ANO2: variants seen among roughly 807,000 people sequenced by gnomAD.
ANO2 encodes anoctamin-2.
ANO2 carries 101 observed loss-of-function variants against 124.2 expected under a neutral mutation model. The ratio of observed to expected loss-of-function variants is 0.81; its 90% confidence interval spans 0.69 to 0.96. The LOEUF is 0.96. ANO2 is among the 40% of genes least tolerant of loss of function. The pLI is 0.00. For synonymous variants in ANO2, 486 were observed against 482.5 expected, an observed-to-expected ratio of 1.01 and a Z score of -0.09; for missense variants, 1,293 against 1,274.5, an observed-to-expected ratio of 1.01 and a Z score of -0.22.
intron 20 of ANO2, among the ~76,000 whole-genome samples, chr12:5,589,297 T>C (rs572108962): frequency 3.3e-5 from 5 of 151,654 alleles, no homozygotes; most frequent in African/African-American, 1.2e-4. Flanking sequence ...CTAATAGGCC[T>C]GGGATGGGGG....
intron 4 of ANO2, among the ~76,000 whole-genome samples, chr12:5,851,511 C>T (rs1311537903): frequency 6.6e-6 from 1 of 151,910 alleles, no homozygotes. Flanking sequence ...ATGGAGAAAC[C>T]CTGTCTCTAC....
chr12:5,819,060 A>C (rs919286385), intron 7 of ANO2, among the ~76,000 whole-genome samples: 2 of 152,222 alleles, frequency 1.3e-5, no homozygotes, highest in African/African-American at 2.4e-5. Context: ...CCTGCAGTGA[A>C]AGGTGCATTC....
At position 5,866,210 on chromosome 12, in the gene ANO2, G is replaced by GTCAGAC; in HGVS notation, c.535-12075_535-12070dup. Reference sequence around the variant, plus strand: ...CTAGGGAAAGCAGCTTTCTCCTTCCGTCAGACTCTGGGGGATAACAGTGGC... The same window carrying GTCAGAC: ...CTAGGGAAAGCAGCTTTCTCCTTCCGTCAGACTCAGACTCTGGGGGATAACAGTGGC... On this transcript the variant is annotated intron_variant, in intron 3 of 24. Coordinates refer to ENST00000682330, the MANE Select transcript of ANO2 (RefSeq NM_001364791.2). 2.6e-5 allele frequency among the ~76,000 whole-genome samples: 4 copies of GTCAGAC among 152,298 alleles called. No homozygotes were observed. The South Asian group carries it at 8.3e-4, about 32-fold the overall frequency.
At chr12:5,767,738 C>G (rs939066217) in intron 10 of ANO2, among the ~76,000 whole-genome samples, 16 of 152,300 alleles carry the variant, frequency 1.1e-4, no homozygotes, top group African/African-American at 2.4e-4. Context: ...GCCCTTCCCC[C>G]CCATCTGCTT....
chr12:5,843,716 T>A (rs916726431), intron 4 of ANO2, among the ~76,000 whole-genome samples: 8 of 152,154 alleles, frequency 5.3e-5, no homozygotes, highest in African/African-American at 1.9e-4. Flanking sequence ...CCGAATTTCA[T>A]AGGGCCAGTG....
intron 7 of ANO2, among the ~76,000 whole-genome samples, chr12:5,826,628 T>G (rs1057417222): frequency 6.6e-6 from 1 of 152,136 alleles, no homozygotes; most frequent in Non-Finnish European, 1.5e-5. Flanking sequence ...TGGAATCTTG[T>G]AGCAAGATGA....
chr12:5,799,964 C>T (rs1476459395), intron 9 of ANO2, among the ~76,000 whole-genome samples: 1 of 152,238 alleles, frequency 6.6e-6, no homozygotes, highest in Non-Finnish European at 1.5e-5. Flanking sequence ...TGCTTACACC[C>T]TGGTGTGGAG....
At chr12:5,686,661 G>T (rs1198249493) in intron 14 of ANO2, among the ~76,000 whole-genome samples, 2 of 152,228 alleles carry the variant, frequency 1.3e-5, no homozygotes, top group Admixed American at 1.3e-4. Flanking sequence ...CCCTCCATGG[G>T]CCCCTCTGGG....
intron 7 of ANO2, among the ~76,000 whole-genome samples, chr12:5,814,214 T>C (rs900933266): frequency 3.9e-5 from 6 of 152,244 alleles, no homozygotes; most frequent in African/African-American, 1.4e-4. Flanking sequence ...CTACTATTGT[T>C]AATTCCAGGT....
intron 14 of ANO2, among the ~76,000 whole-genome samples, chr12:5,705,467 T>C (rs970091680): frequency 6.6e-6 from 1 of 152,160 alleles, no homozygotes; most frequent in Admixed American, 6.5e-5. Flanking sequence ...CAGGATCACG[T>C]GAATCTATCC....
At chr12:5,733,408 T>C (rs1186063212) in intron 13 of ANO2, among the ~76,000 whole-genome samples, 1 of 152,204 alleles carries the variant, frequency 6.6e-6, no homozygotes, top group Non-Finnish European at 1.5e-5. Flanking sequence ...AATTTAACTG[T>C]GTACACCTGG....
chr12:5,876,068 G>T (rs1938077720), intron 3 of ANO2, among the ~76,000 whole-genome samples: 1 of 152,172 alleles, frequency 6.6e-6, no homozygotes, highest in African/African-American at 2.4e-5. Flanking sequence ...GTGCCAAGGG[G>T]CAGGGCCAGC....
chr12:5,565,465 C>A, intron 24 of ANO2, 93 bp downstream of exon 24: 2 of 1,125,032 alleles, frequency 1.8e-6, no homozygotes, highest in Middle Eastern at 2.0e-4. Context: ...CAGAGTACCA[C>A]CGGAACCTGG....
chr12:5,680,682 C>G (rs965466919), intron 14 of ANO2, among the ~76,000 whole-genome samples: 3 of 152,188 alleles, frequency 2.0e-5, no homozygotes, highest in African/African-American at 7.2e-5. Context: ...AAATGAGCAC[C>G]TGCCAGAAAT....
At chr12:5,826,476 A>C (rs552007394) in intron 7 of ANO2, among the ~76,000 whole-genome samples, 81 of 146,636 alleles carry the variant, frequency 5.5e-4, no homozygotes, top group African/African-American at 1.8e-3. Context: ...ATATATATAT[A>C]TCCTTGATAT....
At chr12:5,913,113 C>T (rs567406147) in intron 3 of ANO2, among the ~76,000 whole-genome samples, 43 of 152,276 alleles carry the variant, frequency 2.8e-4, no homozygotes, top group African/African-American at 2.9e-4. Context: ...ATGTCCAAGA[C>T]GGAGCAACGG....
chr12:5,621,919 TTTTTTC>T (rs1254872861), intron 16 of ANO2, among the ~76,000 whole-genome samples: 2 of 152,018 alleles, frequency 1.3e-5, no homozygotes, highest in Non-Finnish European at 2.9e-5. Flanking sequence ...CAATAGGATG[TTTTTTC>T]TTTTTCTTTT....
At chr12:5,694,525 T>C (rs556639960) in intron 14 of ANO2, among the ~76,000 whole-genome samples, 22 of 152,072 alleles carry the variant, frequency 1.4e-4, no homozygotes, top group Non-Finnish European at 2.8e-4. Flanking sequence ...AGGAACCAGA[T>C]TTTTCCTTCA....
Position 5,854,934 on chromosome 12 carries a change from A to AT in ANO2, c.535-794_535-793insA, listed in dbSNP as rs1475280188. On this transcript the variant is annotated intron_variant, in intron 3 of 24. Transcript: ENST00000682330. ...GCACCTCATCTTCAAATAAACATTC[A>AT]CTTTTTTTTTTTTTTCAAAACAAGC... is the stretch of plus-strand genomic sequence containing the variant. 1.5e-4 allele frequency among the ~76,000 whole-genome samples: 6 copies of AT among 39,192 alleles called. No homozygotes were observed. In the East Asian group the frequency reaches 3.4e-3, roughly 22 times the overall value. 25.7% of individuals were successfully genotyped at this position (39,192 alleles called of 152,430 possible).
Sources: gnomAD v4.1 joint callset for allele counts (sites outside exome capture counted in the v4.1 genomes callset) on GRCh38, gnomAD v4.1.1 for gene constraint, MANE v1.5 for transcripts, NCBI Gene and HGNC (gene_info 2026-07-23, HGNC 2026-07-21) for gene names.